The following THSD7A variants were observed in gnomAD, a reference collection of about 807,000 sequenced individuals.
THSD7A encodes thrombospondin type-1 domain-containing protein 7A.
In THSD7A, 96 loss-of-function variants were observed where a neutral mutation model predicts 231.3. That is an observed-to-expected ratio of 0.41 (90% CI 0.35 to 0.49). The LOEUF (loss-of-function observed/expected upper bound fraction) is 0.49, where lower values mean the gene tolerates loss of function less well. Among genes scored for constraint, THSD7A ranks in the 20% least tolerant of loss-of-function variants. The pLI is 0.05. For synonymous variants in THSD7A, 940 were observed against 743.3 expected (o/e 1.26, Z -4.30); for missense variants, 2,290 against 2,070.2 (o/e 1.11, Z -2.06).
At chr7:11,793,624 T>A (rs1784030065) in intron 1 of THSD7A, among the ~76,000 whole-genome samples, 1 of 151,770 alleles carries the variant, frequency 6.6e-6, no homozygotes. Flanking sequence ...CAAGAATAAT[T>A]ATAAAGGGAA....
At chr7:11,709,207 T>C (rs1274323337) in intron 1 of THSD7A, among the ~76,000 whole-genome samples, 1 of 150,866 alleles carries the variant, frequency 6.6e-6, no homozygotes, top group African/African-American at 2.4e-5. Context: ...CTGCTCATGC[T>C]GCATACATTC....
intron 1 of THSD7A, among the ~76,000 whole-genome samples, chr7:11,785,426 T>C (rs1299778627): frequency 2.0e-5 from 3 of 152,120 alleles, no homozygotes; most frequent in Non-Finnish European, 4.4e-5. Flanking sequence ...TTCCTTTCCA[T>C]TTTTGTGAAC....
chr7:11,744,735 T>G (rs1782226301), intron 1 of THSD7A, among the ~76,000 whole-genome samples: 1 of 152,000 alleles, frequency 6.6e-6, no homozygotes, highest in Non-Finnish European at 1.5e-5. Flanking sequence ...AATGATGGTT[T>G]CCAGCTTCAT....
chr7:11,831,855 G>GGCA lies in THSD7A; in HGVS notation c.89_91dup (p.Leu30dup). 1 of 1,247,960 alleles carries GGCA rather than the reference G, an allele frequency of 8.0e-7. No individual in the cohort carries two copies. Among genetic ancestry groups the GGCA allele is most frequent in the Non-Finnish European group, 1.0e-6 (1 of 986,302 alleles). The allele number at this position is 1,247,960 out of a possible 1,614,324, so 77.3% of individuals were successfully genotyped here. On this transcript the variant is annotated inframe_insertion, in exon 1 of 28. Transcript: ENST00000423059. The surrounding 1 kb of genome is among the most constrained non-coding windows in gnomAD (Gnocchi z 5.0). ...CAGCAGCAGCAGGAGCAGCGGCAGC[G>GGCA]GCAGCGGCAGCGGCAGCAGCTGCAG...
intron 1 of THSD7A, among the ~76,000 whole-genome samples, chr7:11,663,527 T>C (rs1182881698): frequency 6.6e-6 from 1 of 151,626 alleles, no homozygotes; most frequent in Non-Finnish European, 1.5e-5. Flanking sequence ...AAAGGGAATC[T>C]TTATGAGCTT....
intron 4 of THSD7A, among the ~76,000 whole-genome samples, chr7:11,560,056 G>A (rs1448686349): frequency 1.3e-5 from 2 of 152,056 alleles, no homozygotes; most frequent in Non-Finnish European, 2.9e-5. Context: ...AAGAGGTATT[G>A]AATAACGTTA....
rs367930052 is a variant in THSD7A at position 11,405,261 on chromosome 7, T to C, written c.4237+1039A>G. On this transcript the variant is annotated intron_variant, in intron 22 of 27. Transcript: ENST00000423059. ...ACTCAATCCCATTTACAAATTTTTG[T>C]TGATATATGTTATCCACTTTTAAAA... Among the ~76,000 whole-genome samples the C allele has an allele frequency of 1.2e-4, 19 of 152,220 alleles. No homozygotes were observed. The East Asian group carries it at 3.3e-3, about 26-fold the overall frequency.
chr7:11,812,548 G>A (rs1385138122), intron 1 of THSD7A, among the ~76,000 whole-genome samples: 1 of 152,138 alleles, frequency 6.6e-6, no homozygotes, highest in Non-Finnish European at 1.5e-5. Flanking sequence ...AAAGTGATCA[G>A]TCAACATATC....
intron 2 of THSD7A, among the ~76,000 whole-genome samples, chr7:11,607,063 T>C (rs1052697703): frequency 6.6e-6 from 1 of 151,960 alleles, no homozygotes; most frequent in Non-Finnish European, 1.5e-5. Context: ...TCAAGGTAGA[T>C]GCATTTTTCA....
chr7:11,721,843 CA>C (rs1781364808), intron 1 of THSD7A, among the ~76,000 whole-genome samples: 1 of 151,828 alleles, frequency 6.6e-6, no homozygotes, highest in Non-Finnish European at 1.5e-5. Context: ...CCAGGCCTTC[CA>C]AAATCCAGCC....
chr7:11,815,609 C>T (rs1784667763), intron 1 of THSD7A, among the ~76,000 whole-genome samples: 1 of 152,032 alleles, frequency 6.6e-6, no homozygotes, highest in Non-Finnish European at 1.5e-5. Context: ...TTAGCACTAC[C>T]TAAGATAGCA....
chr7:11,767,139 G>A (rs953270490), intron 1 of THSD7A, among the ~76,000 whole-genome samples: 1 of 152,140 alleles, frequency 6.6e-6, no homozygotes, highest in Non-Finnish European at 1.5e-5. Context: ...AATAGTTCAT[G>A]AACATAAGGA....
In THSD7A at chr7:11,402,083, T is replaced by TA. The variant is rs1783425832; in HGVS notation, c.4238-116dup. ...TTTCTGGTATCCCAGGCACACATAA[T>TA]ATTTATAAGATTTAAATAAGCATTT... On this transcript the variant is annotated intron_variant, in intron 22 of 27. Transcript: ENST00000423059. 4.0e-6 allele frequency: 3 copies of TA among 756,762 alleles called. No homozygotes were observed. In the East Asian group the frequency reaches 8.0e-5, roughly 20 times the overall value. 46.9% of individuals were successfully genotyped at this position (756,762 alleles called of 1,614,324 possible).
In THSD7A at chr7:11,424,784, A is replaced by G. The variant is rs753550937; in HGVS notation, c.3295T>C (p.Trp1099Arg). The G allele has an allele frequency of 1.2e-6, 2 of 1,613,982 alleles. No homozygotes were observed. The highest frequency in any genetic ancestry group is 4.5e-5 in the East Asian group (2 of 44,874). The change falls in exon 16 of 28, where the codon TGG becomes CGG. Residue 1099 changes from tryptophan to arginine, a missense_variant. Coordinates refer to ENST00000423059, the MANE Select transcript of THSD7A (RefSeq NM_015204.3). ...CAGATGCTCCAGGGCTCTGTGACCC[A>G]TAGGTACTGGTTGCAGTCACTGTGG... is the stretch of plus-strand genomic sequence containing the variant. ...PCHSDCNQYLWVTEPWSICKV... is the reference protein window; with the variant it reads ...PCHSDCNQYLRVTEPWSICKV...
intron 1 of THSD7A, among the ~76,000 whole-genome samples, chr7:11,724,889 A>G (rs1472351358): frequency 3.3e-5 from 5 of 151,874 alleles, no homozygotes; most frequent in Non-Finnish European, 4.4e-5. Flanking sequence ...GCTGCTGAGG[A>G]GTTTCTCCCA....
At chr7:11,617,152 T>C (rs1340240030) in intron 2 of THSD7A, among the ~76,000 whole-genome samples, 3 of 152,162 alleles carry the variant, frequency 2.0e-5, no homozygotes, top group Non-Finnish European at 4.4e-5. Context: ...TCCATAGTAC[T>C]TTGGCCCCTC....
chr7:11,571,555 C>T (rs1195712460), intron 4 of THSD7A, among the ~76,000 whole-genome samples: 1 of 152,150 alleles, frequency 6.6e-6, no homozygotes, highest in Non-Finnish European at 1.5e-5. Flanking sequence ...AGTTAAGTAA[C>T]CTGTCCAAGA....
At chr7:11,541,919 G>T (rs928468068) in intron 5 of THSD7A, among the ~76,000 whole-genome samples, 1 of 137,988 alleles carries the variant, frequency 7.2e-6, no homozygotes, top group African/African-American at 2.7e-5. Flanking sequence ...CTCCCTTGTA[G>T]GGCGTAGAGG....
intron 1 of THSD7A, among the ~76,000 whole-genome samples, chr7:11,681,349 C>A (rs979800199): frequency 1.3e-5 from 2 of 151,982 alleles, no homozygotes; most frequent in Non-Finnish European, 2.9e-5. Context: ...AACAAACCTG[C>A]ACATTCTGCA....
Sources: allele counts gnomAD v4.1 joint callset (sites outside exome capture counted in the v4.1 genomes callset), GRCh38; gene constraint gnomAD v4.1.1; non-coding constraint Gnocchi (gnomAD v3.1); transcripts MANE v1.5; gene names NCBI Gene and HGNC (gene_info 2026-07-23, HGNC 2026-07-21).